NLRP4: variants seen among roughly 807,000 people sequenced by gnomAD.
The protein encoded by NLRP4 is NLR family pyrin domain containing 4, also known as NACHT, LRR and PYD domains-containing protein 4.
Under a neutral mutation model 84.7 loss-of-function variants are expected in NLRP4, and 44 were observed. The ratio of observed to expected loss-of-function variants is 0.52; its 90% CI spans 0.41 to 0.67. The LOEUF (loss-of-function observed/expected upper bound fraction) is 0.67, where lower values mean the gene tolerates loss of function less well. Ranked by LOEUF, NLRP4 falls within the 30% of genes least tolerant of loss-of-function variation. NLRP4 has a pLI of 0.00. For synonymous variants in NLRP4, 544 were observed against 476.4 expected (o/e 1.14, Z -1.85); for missense variants, 1,260 against 1,219.4 (o/e 1.03, Z -0.50).
chr19:55,850,002 G>GTAA (rs1484770889), intron 1 of NLRP4, among the ~76,000 whole-genome samples: 6 of 36,876 alleles, frequency 1.6e-4, no homozygotes, highest in African/African-American at 3.2e-4. Context: ...AGACTGCGGT[G>GTAA]TGATTTCCGA....
chr19:55,850,829 C>CCGAGGCTGCGGTGTAATGTA (rs1984086735), intron 1 of NLRP4, among the ~76,000 whole-genome samples: 1 of 95,654 alleles, frequency 1.0e-5, no homozygotes, highest in Non-Finnish European at 1.9e-5. Flanking sequence ...GGTGTAATGT[C>CCGAGGCTGCGGTGTAATGTA]CGAGGCTGCG....
chr19:55,859,751 C>G (rs1393124261), intron 3 of NLRP4, among the ~76,000 whole-genome samples: 1 of 151,422 alleles, frequency 6.6e-6, no homozygotes, highest in Non-Finnish European at 1.5e-5. Flanking sequence ...AACATGGTGA[C>G]ACCTCGTCTC....
At chr19:55,844,242 C>T (rs1446252337) in intron 1 of NLRP4, among the ~76,000 whole-genome samples, 1 of 152,000 alleles carries the variant, frequency 6.6e-6, no homozygotes, top group Non-Finnish European at 1.5e-5. Context: ...GGCATGGTAT[C>T]CTCTTCCCTC....
At chr19:55,857,111 G>C (rs1006564293) in intron 2 of NLRP4, among the ~76,000 whole-genome samples, 1 of 152,114 alleles carries the variant, frequency 6.6e-6, no homozygotes, top group African/African-American at 2.4e-5. Context: ...TTTAATATTT[G>C]TATAATAGCT....
At chr19:55,853,002 T>C (rs1984230351) in intron 2 of NLRP4, among the ~76,000 whole-genome samples, 1 of 152,336 alleles carries the variant, frequency 6.6e-6, no homozygotes, top group East Asian at 1.9e-4. Flanking sequence ...AATTAACACC[T>C]GCGGTAGAGG....
Position 55,861,639 on chromosome 19 carries a change from A to G in NLRP4, c.2018+92A>G, listed in dbSNP as rs1984760389. ...TTCAGTCGAGGCTAACTGCACAAGC[A>G]AAGAATTAACATCCAGAGCAGTTGC... On this transcript the variant is annotated intron_variant, in intron 4 of 9. Transcript: ENST00000301295. 2.5e-6 allele frequency: 3 copies of G among 1,209,674 alleles called. No homozygotes were observed. In the Admixed American group the frequency reaches 5.8e-5, roughly 23 times the overall value. 74.9% of individuals were successfully genotyped at this position (1,209,674 alleles called of 1,614,324 possible).
chr19:55,863,662 A>G (rs1222009031), intron 5 of NLRP4, among the ~76,000 whole-genome samples: 1 of 152,260 alleles, frequency 6.6e-6, no homozygotes, highest in South Asian at 2.1e-4. Context: ...CAGCCGAACC[A>G]TATCAGACAG....
At chr19:55,852,752 T>C (rs1984220783) in intron 2 of NLRP4, among the ~76,000 whole-genome samples, 1 of 152,142 alleles carries the variant, frequency 6.6e-6, no homozygotes, top group Non-Finnish European at 1.5e-5. Context: ...GCTGGGATTA[T>C]AGGCATGATC....
At chr19:55,850,907 G>T (rs1441983776) in intron 1 of NLRP4, among the ~76,000 whole-genome samples, 12 of 63,424 alleles carry the variant, frequency 1.9e-4, no homozygotes, top group Admixed American at 3.1e-4. Context: ...GCGGTGTAAT[G>T]TCCGAGGCTG....
chr19:55,864,280 G>A (rs1025329380), intron 5 of NLRP4, among the ~76,000 whole-genome samples: 2 of 152,006 alleles, frequency 1.3e-5, no homozygotes, highest in Admixed American at 6.6e-5. Context: ...CAGTCCTATT[G>A]GATTTTCCTA....
chr19:55,870,206 G>C (rs1985119302), intron 6 of NLRP4, among the ~76,000 whole-genome samples: 1 of 152,162 alleles, frequency 6.6e-6, no homozygotes, highest in African/African-American at 2.4e-5. Context: ...GTCCCTGAGG[G>C]AGCGGTCTCA....
intron 1 of NLRP4, among the ~76,000 whole-genome samples, chr19:55,842,539 T>TA (rs397971430): frequency 2.0e-5 from 3 of 150,928 alleles, no homozygotes; most frequent in South Asian, 2.1e-4. Context: ...CTTTTTTTTT[T>TA]AGATTTACGT....
chr19:55,856,721 G>T (rs111608889), intron 2 of NLRP4, among the ~76,000 whole-genome samples: 5 of 151,966 alleles, frequency 3.3e-5, no homozygotes, highest in African/African-American at 1.2e-4. Context: ...TCACCATGTT[G>T]GCCAGGATGG....
In NLRP4 at chr19:55,858,228, A is replaced by G. The variant is rs2123033459; in HGVS notation, c.835A>G (p.Ile279Val). ...CCCGGAGGCCTCCCTGCTCATCGCTATCAAACCCGTGTGCCCGAAGGAGCT... is the reference window on the plus strand; with the variant it reads ...CCCGGAGGCCTCCCTGCTCATCGCTGTCAAACCCGTGTGCCCGAAGGAGCT... The part of the protein sequence containing the change: ...MLPEASLLIA[I>V]KPVCPKELRD... Residue 279 changes from isoleucine to valine, a missense_variant, in exon 3 of 10, where the codon ATC becomes GTC. Transcript: ENST00000301295. This position sits in a 1 kb window ranked among gnomAD's most constrained non-coding sequence, Gnocchi z 4.2. The G allele has an allele frequency of 6.2e-7, 1 of 1,614,164 alleles. No individual in the cohort carries two copies. The highest frequency in any genetic ancestry group is 8.5e-7 in the Non-Finnish European group (1 of 1,180,026).
intron 1 of NLRP4, among the ~76,000 whole-genome samples, chr19:55,850,108 A>AATTTCCGTGGCTGCGGTGTAATTT (rs1984006802): frequency 9.2e-5 from 2 of 21,732 alleles, no homozygotes; most frequent in African/African-American, 6.2e-4. Context: ...CGGTGTAATT[A>AATTTCCGTGGCTGCGGTGTAATTT]CCGTAGCTGC....
chr19:55,866,999 C>T (rs1984979997), intron 5 of NLRP4, among the ~76,000 whole-genome samples: 1 of 152,010 alleles, frequency 6.6e-6, no homozygotes, highest in African/African-American at 2.4e-5. Flanking sequence ...CTGTGCGTCT[C>T]AGGTTGGCTG....
chr19:55,870,234 C>A (rs1469870703), intron 6 of NLRP4, among the ~76,000 whole-genome samples: 1 of 151,350 alleles, frequency 6.6e-6, no homozygotes, highest in African/African-American at 2.5e-5. Flanking sequence ...CATGTCTTGT[C>A]CAAGGACATC....
intron 1 of NLRP4, among the ~76,000 whole-genome samples, chr19:55,849,356 G>A (rs1340236047): frequency 6.6e-6 from 1 of 152,180 alleles, no homozygotes; most frequent in East Asian, 1.9e-4. Context: ...GACTGTAACA[G>A]TACCGTAGAC....
chr19:55,849,693 C>G (rs764385765), intron 1 of NLRP4, among the ~76,000 whole-genome samples: 7 of 152,216 alleles, frequency 4.6e-5, no homozygotes, highest in Non-Finnish European at 8.8e-5. Context: ...CATGCCTTCT[C>G]TATTGTTTAC....
Sources: allele counts gnomAD v4.1 joint callset (sites outside exome capture counted in the v4.1 genomes callset), GRCh38; gene constraint gnomAD v4.1.1; non-coding constraint Gnocchi (gnomAD v3.1); transcripts MANE v1.5; gene names NCBI Gene and HGNC (gene_info 2026-07-23, HGNC 2026-07-21).